CCDC110: variants seen among roughly 807,000 people sequenced by gnomAD.
The protein encoded by CCDC110 is coiled-coil domain containing 110, also known as coiled-coil domain-containing protein 110.
CCDC110 carries 70 observed loss-of-function variants against 77.1 expected under a neutral mutation model. The observed-to-expected ratio is 0.91, with a 90% confidence interval of 0.75 to 1.11. The LOEUF (loss-of-function observed/expected upper bound fraction) is 1.11. Among genes scored for constraint, CCDC110 ranks in the 50% least tolerant of loss-of-function variants. CCDC110 has a pLI of 0.00. For missense variants in CCDC110, 868 were observed against 942.9 expected (o/e 0.92, Z 1.04); for synonymous variants, 295 against 312.5 (o/e 0.94, Z 0.59).
Position 185,471,068 on chromosome 4 carries a change from G to A in CCDC110, c.11-19C>T, listed in dbSNP as rs757676711. The A allele has an allele frequency of 2.0e-6, 3 of 1,503,072 alleles. No individual in the cohort carries two copies. The highest frequency in any genetic ancestry group is 2.7e-6 in the Non-Finnish European group (3 of 1,127,566). The allele number at this position is 1,503,072 out of a possible 1,614,324, so 93.1% of individuals were successfully genotyped here. A position where few individuals can be genotyped will look rare whatever the true frequency, so the allele number is the denominator to read the frequency against. ...TGCTTTTCTGTAACAGAACCGTCCG[G>A]GGCTGTTCTGTCGCGGGTCGTGGCG... On this transcript the variant is annotated intron_variant, in intron 1 of 6. Coordinates refer to ENST00000307588, the MANE Select transcript of CCDC110 (RefSeq NM_152775.4).
intron 2 of CCDC110, chr4:185,470,606 T>C (rs930108817): frequency 2.1e-6 from 1 of 483,052 alleles, no homozygotes; most frequent in South Asian, 1.5e-5. Flanking sequence ...CAACGGAGCG[T>C]AGCGTGGTGG....
intron 6 of CCDC110, chr4:185,452,394 G>A (rs1484520552): frequency 1.0e-6 from 1 of 984,842 alleles, no homozygotes; most frequent in Admixed American, 6.1e-5. Flanking sequence ...GATTGTGGAT[G>A]TTGACATAAC....
At position 185,458,698 on chromosome 4, in the gene CCDC110, A is replaced by C; in HGVS notation, c.1889T>G (p.Leu630Arg). 2.5e-6 allele frequency: 4 copies of C among 1,604,104 alleles called. No individual in the cohort carries two copies. The highest frequency in any genetic ancestry group is 3.4e-6 in the Non-Finnish European group (4 of 1,177,904). ...TTTAACTGTTTCTATTATTTGAAGA[A>C]GTGTCTCTTGTTCCGTTTTTGCCAA... ...ERLAKTEQET[L>R]LQIIETVKDE... Residue 630 changes from leucine to arginine, a missense_variant, in exon 6 of 7, where the codon CTT becomes CGT. By Grantham distance (102) the Leu-to-Arg change is moderately radical. Coordinates refer to ENST00000307588, the MANE Select transcript of CCDC110 (RefSeq NM_152775.4).
At chr4:185,453,017 T>C (rs2095631335) in intron 6 of CCDC110, among the ~76,000 whole-genome samples, 2 of 152,102 alleles carry the variant, frequency 1.3e-5, no homozygotes, top group Admixed American at 1.3e-4. Flanking sequence ...GGAAGAATTA[T>C]TATGAACACC....
intron 6 of CCDC110, among the ~76,000 whole-genome samples, chr4:185,453,105 T>C (rs549816292): frequency 6.6e-6 from 1 of 152,170 alleles, no homozygotes; most frequent in Non-Finnish European, 1.5e-5. Context: ...CAGTGGCCCA[T>C]GCCTGTAGTA....
chr4:185,448,650 T>G (rs1398646019), intron 6 of CCDC110, among the ~76,000 whole-genome samples: 1 of 152,204 alleles, frequency 6.6e-6, no homozygotes. Context: ...ATGGAGCTTT[T>G]TTCTATCCTT....
chr4:185,469,799 C>T (rs2095662678), intron 2 of CCDC110, among the ~76,000 whole-genome samples: 1 of 152,208 alleles, frequency 6.6e-6, no homozygotes, highest in Non-Finnish European at 1.5e-5. Context: ...TCTTTCCGGG[C>T]CCTGACAAGG....
chr4:185,460,235 T>C lies in CCDC110; in HGVS notation c.352A>G (p.Thr118Ala), dbSNP rs780895541. 6.3e-7 allele frequency: 1 copy of C among 1,595,044 alleles called. No individual in the cohort carries two copies. The highest frequency in any genetic ancestry group is 1.1e-5 in the South Asian group (1 of 89,496). Residue 118 changes from threonine to alanine, a missense_variant, in exon 6 of 7, where the codon ACA becomes GCA. Transcript: ENST00000307588. ...FGTRIEKDLP[T>A]ENQEENLSME... ...GAAAGGTTTTCTTCTTGATTCTCTG[T>C]AGGCTGTAACAATAAGAAGTACACT...
At chr4:185,461,317 T>G (rs990734714) in intron 4 of CCDC110, among the ~76,000 whole-genome samples, 158 bp from the exon 5 acceptor site, 2 of 152,208 alleles carry the variant, frequency 1.3e-5, no homozygotes, top group African/African-American at 4.8e-5. Context: ...CTTAATTTAT[T>G]GTAATCTCTA....
chr4:185,449,720 A>G (rs1214531388), intron 6 of CCDC110: 3 of 1,013,902 alleles, frequency 3.0e-6, no homozygotes, highest in Non-Finnish European at 4.3e-6. Flanking sequence ...TTGAAAAAAT[A>G]TAAGATGTTA....
At chr4:185,446,653 A>G (rs916251185) in intron 6 of CCDC110, among the ~76,000 whole-genome samples, 1 of 152,224 alleles carries the variant, frequency 6.6e-6, no homozygotes. Context: ...ATTAGCAAAA[A>G]ATGATTTTAC....
rs1561161794 is a variant in CCDC110, at chr4:185,459,738, C to T, written c.849G>A (p.Met283Ile). 6.2e-7 allele frequency: 1 copy of T among 1,613,598 alleles called. No homozygotes were observed. The highest frequency in any genetic ancestry group is 1.7e-5 in the Admixed American group (1 of 60,008). ...PDVHRNGKYDMSPIHQDKMNF... is the reference protein window; with the variant it reads ...PDVHRNGKYDISPIHQDKMNF... ...TCATTTTATCCTGGTGAATAGGGGA[C>T]ATGTCATATTTACCATTCCTGTGAA... The change falls in exon 6 of 7, where the codon ATG (methionine) becomes ATA (isoleucine). Residue 283 changes from methionine (M) to isoleucine (I), a missense_variant. Transcript: ENST00000307588.
At chr4:185,452,457 T>G (rs2095630500) in intron 6 of CCDC110, 1 of 810,048 alleles carries the variant, frequency 1.2e-6, no homozygotes, top group Non-Finnish European at 1.5e-6. Flanking sequence ...GAAGCTCTGA[T>G]AAGAACTGGA....
intron 6 of CCDC110, chr4:185,452,278 A>C (rs2153318511): frequency 1.0e-6 from 1 of 985,434 alleles, no homozygotes; most frequent in South Asian, 4.7e-5. Context: ...AGTTTTCTGC[A>C]TCCATCGTCA....
In CCDC110 at chr4:185,458,744, G is replaced by A. The variant is rs1316145749; in HGVS notation, c.1843C>T (p.Gln615Ter). 6.2e-7 allele frequency: 1 copy of A among 1,608,894 alleles called. No individual in the cohort carries two copies. Among genetic ancestry groups the A allele is most frequent in the Non-Finnish European group, 8.5e-7 (1 of 1,178,818 alleles). ...GCCAATCTTTCTTTCTCTTTTAGCT[G>A]GATTATCTCTAGCTGGCTTTCTTTT... ...ELKESQLEII[Q>*]LKEKERLAKT... The change falls in exon 6 of 7, where the codon CAG (glutamine) becomes TAG (stop). Residue 615 changes from glutamine to a stop codon, truncating the protein, a stop_gained. Transcript: ENST00000307588. LOFTEE classifies it high-confidence loss of function.
At position 185,458,524 on chromosome 4, in the gene CCDC110, C is replaced by A. The variant is rs924039703; in HGVS notation, c.2063G>T (p.Ser688Ile). 1 of 1,608,544 alleles carries A rather than the reference C, an allele frequency of 6.2e-7. No individual in the cohort carries two copies. The highest frequency in any genetic ancestry group is 1.3e-5 in the African/African-American group (1 of 74,718). Residue 688 changes from serine (S) to isoleucine (I), a missense_variant, in exon 6 of 7, where the codon AGT becomes ATT. Coordinates refer to ENST00000307588, the MANE Select transcript of CCDC110 (RefSeq NM_152775.4). Reference sequence around the variant, plus strand: ...TTCTGACAAGCTATTCTTATAAATACTTGCTTCTGATTTTGCATTTTTTAT... The same window carrying A: ...TTCTGACAAGCTATTCTTATAAATAATTGCTTCTGATTTTGCATTTTTTAT... ...QEIKNAKSEASIYKNSLSEIG... is the reference protein window; with the variant it reads ...QEIKNAKSEAIIYKNSLSEIG...
intron 6 of CCDC110, among the ~76,000 whole-genome samples, chr4:185,453,503 C>G (rs1360690393): frequency 6.6e-6 from 1 of 150,890 alleles, no homozygotes; most frequent in African/African-American, 2.4e-5. Context: ...CTAATTTGTC[C>G]AAGTTAGCAC....
At chr4:185,465,431 T>G (rs1673376006) in intron 2 of CCDC110, among the ~76,000 whole-genome samples, 1 of 152,236 alleles carries the variant, frequency 6.6e-6, no homozygotes, top group Admixed American at 6.5e-5. Flanking sequence ...TACATATATT[T>G]TCCATCTTCC....
At position 185,458,700 on chromosome 4, in the gene CCDC110, T is replaced by A; in HGVS notation, c.1887A>T (p.Thr629=). 1 of 1,604,216 alleles carries A rather than the reference T, an allele frequency of 6.2e-7. No homozygotes were observed. The highest frequency in any genetic ancestry group is 8.5e-7 in the Non-Finnish European group (1 of 1,177,796). ...TAACTGTTTCTATTATTTGAAGAAG[T>A]GTCTCTTGTTCCGTTTTTGCCAATC... The part of the protein sequence containing the change: ...KERLAKTEQE[T]LLQIIETVKD... The change falls in exon 6 of 7, where the codon ACA becomes ACT. Residue 629 remains threonine, a synonymous_variant. Coordinates refer to ENST00000307588, the MANE Select transcript of CCDC110 (RefSeq NM_152775.4).
Sources: gnomAD v4.1 joint callset for allele counts (sites outside exome capture counted in the v4.1 genomes callset) on GRCh38, gnomAD v4.1.1 for gene constraint, MANE v1.5 for transcripts, NCBI Gene and HGNC (gene_info 2026-07-23, HGNC 2026-07-21) for gene names.